GLI3: variants seen among roughly 807,000 people sequenced by gnomAD.
The protein encoded by GLI3 is transcription activator GLI3.
A neutral mutation model predicts 100.8 loss-of-function variants in GLI3; 20 were observed. The observed-to-expected ratio is 0.20, with a 90% confidence interval of 0.14 to 0.29. GLI3 has a LOEUF of 0.29. GLI3 is among the 10% of genes least tolerant of loss of function. The pLI is 1.00. For missense variants in GLI3, 2,040 were observed against 2,128.5 expected (o/e 0.96, Z 0.82); for synonymous variants, 938 against 860.5 (o/e 1.09, Z -1.58).
chr7:42,054,844 A>AC, intron 4 of GLI3, among the ~76,000 whole-genome samples: 1 of 151,172 alleles, frequency 6.6e-6, no homozygotes, highest in South Asian at 2.1e-4. Flanking sequence ...AAAAAATTAG[A>AC]CTGGCATGGT....
upstream of GLI3, among the ~76,000 whole-genome samples, chr7:42,241,614 G>A (rs1160747224): frequency 2.6e-5 from 4 of 152,224 alleles, no homozygotes; most frequent in East Asian, 3.8e-4. Context: ...CCTTCTTGGG[G>A]TCTCTCACTC....
At chr7:42,193,331 CG>C (rs2128689223) in intron 2 of GLI3, among the ~76,000 whole-genome samples, 1 of 152,202 alleles carries the variant, frequency 6.6e-6, no homozygotes, top group East Asian at 1.9e-4. Flanking sequence ...AAAAATCCCT[CG>C]AGGAAGCTTC....
rs1171046497 is a variant in GLI3 at position 42,026,331 on chromosome 7, T to C, written c.1110A>G (p.Leu370=). The change falls in exon 8 of 15, where the codon TTA becomes TTG. Residue 370 remains leucine, a synonymous_variant. Transcript: ENST00000395925. ...HQQILSRQQS[L]GSAFGHSPPL... ...GAGGGCTGTGTCCAAAGGCTGAACCTAAGCTCTGTTGTCGGCTTAGGATCT... is the reference window on the plus strand; with the variant it reads ...GAGGGCTGTGTCCAAAGGCTGAACCCAAGCTCTGTTGTCGGCTTAGGATCT... 6.2e-7 allele frequency: 1 copy of C among 1,613,990 alleles called. No individual in the cohort carries two copies. Among genetic ancestry groups the C allele is most frequent in the African/African-American group, 1.3e-5 (1 of 74,900 alleles).
At chr7:42,037,053 A>C (rs1424584417) in intron 7 of GLI3, among the ~76,000 whole-genome samples, 4 of 152,170 alleles carry the variant, frequency 2.6e-5, no homozygotes, top group Admixed American at 1.3e-4. Flanking sequence ...AGGCAGAAGA[A>C]TCGCTTGAAC....
chr7:42,191,004 T>C (rs937807928), intron 2 of GLI3, among the ~76,000 whole-genome samples: 11 of 152,006 alleles, frequency 7.2e-5, no homozygotes, highest in Admixed American at 7.2e-4. Context: ...TAGAAAGACA[T>C]TTCCTTAACC....
At chr7:42,047,068 A>T (rs1167290426) in intron 5 of GLI3, among the ~76,000 whole-genome samples, 1 of 152,164 alleles carries the variant, frequency 6.6e-6, no homozygotes, top group Non-Finnish European at 1.5e-5. Flanking sequence ...AGACAGGAAG[A>T]TGACTTGAAC....
intron 3 of GLI3, among the ~76,000 whole-genome samples, chr7:42,119,855 C>A (rs1232396838): frequency 6.6e-6 from 1 of 152,182 alleles, no homozygotes; most frequent in Non-Finnish European, 1.5e-5. Context: ...CAATAACTTT[C>A]TACCCCCTGT....
At chr7:42,070,865 T>C (rs1275603856) in intron 4 of GLI3, among the ~76,000 whole-genome samples, 1 of 152,228 alleles carries the variant, frequency 6.6e-6, no homozygotes, top group Admixed American at 6.5e-5. Context: ...CTCAGTCATA[T>C]AAGGGGACCA....
chr7:42,131,379 C>T (rs1786271647), intron 3 of GLI3, among the ~76,000 whole-genome samples: 1 of 151,968 alleles, frequency 6.6e-6, no homozygotes, highest in African/African-American at 2.4e-5. Flanking sequence ...TACCAAAAAG[C>T]AACATGATAG....
intron 1 of GLI3, among the ~76,000 whole-genome samples, chr7:42,249,687 T>A (rs1395914667): frequency 6.6e-6 from 1 of 152,178 alleles, no homozygotes; most frequent in Non-Finnish European, 1.5e-5. Context: ...ACCCTGAGAC[T>A]AACAGATCTT....
intron 2 of GLI3, among the ~76,000 whole-genome samples, chr7:42,182,248 A>C (rs1426769944): frequency 6.6e-6 from 1 of 152,116 alleles, no homozygotes; most frequent in Non-Finnish European, 1.5e-5. Context: ...ATTTAATTTT[A>C]TTCCATTTTA....
At chr7:42,142,099 A>C (rs1040622320) in intron 3 of GLI3, among the ~76,000 whole-genome samples, 63 of 152,354 alleles carry the variant, frequency 4.1e-4, no homozygotes, top group Non-Finnish European at 8.4e-4. Context: ...TTTAAAGGTG[A>C]GAATGACATG....
In GLI3 at chr7:42,040,061, AC is replaced by A; in HGVS notation, c.1004del (p.Gly335ValfsTer12). The A allele has an allele frequency of 6.2e-7, 1 of 1,612,560 alleles. No homozygotes were observed. The highest frequency in any genetic ancestry group is 8.5e-7 in the Non-Finnish European group (1 of 1,178,542). On this transcript the variant is annotated frameshift_variant, in exon 7 of 15. Transcript: ENST00000395925. LOFTEE classifies it high-confidence loss of function. Reference sequence around the variant, plus strand: ...ACCTGATTGCACTTGCAGATAAGTGACCATAGGAGCCACTTGCTGAAGAGCT... The same window carrying A: ...ACCTGATTGCACTTGCAGATAAGTGACATAGGAGCCACTTGCTGAAGAGCT... ...RSSSSASGSY[G>X]HLSASAISPA... is the part of the protein sequence containing the mutation.
intron 4 of GLI3, among the ~76,000 whole-genome samples, chr7:42,053,479 C>T (rs891494592): frequency 6.6e-6 from 1 of 152,146 alleles, no homozygotes; most frequent in Admixed American, 6.5e-5. Context: ...CAAAATTTCC[C>T]ATAGAAATGA....
At chr7:42,247,609 G>A (rs1162056353) in intron 1 of GLI3, among the ~76,000 whole-genome samples, 1 of 152,210 alleles carries the variant, frequency 6.6e-6, no homozygotes. Flanking sequence ...TGTGGTGCAT[G>A]GTCCAGTACT....
At position 42,070,917 on chromosome 7, in the gene GLI3, G is replaced by A. The variant is rs75466638; in HGVS notation, c.473+5835C>T. Among the ~76,000 whole-genome samples, 8 of 152,262 alleles carry A rather than the reference G, an allele frequency of 5.3e-5. No homozygotes were observed. The East Asian group carries it at 1.4e-3, about 26-fold the overall frequency. On this transcript the variant is annotated intron_variant, in intron 4 of 14. Coordinates refer to ENST00000395925, the MANE Select transcript of GLI3 (RefSeq NM_000168.6). ...CAGGAAATTAGTTTGACAGTGGAGA[G>A]CATCTGATGTGGCAATAGCTACTAT...
intron 10 of GLI3, among the ~76,000 whole-genome samples, chr7:42,004,713 G>C (rs1292369318): frequency 6.6e-6 from 1 of 152,162 alleles, no homozygotes; most frequent in Non-Finnish European, 1.5e-5. Context: ...CTGGGCTCAA[G>C]CGATGCACCC....
intron 1 of GLI3, among the ~76,000 whole-genome samples, chr7:42,249,212 C>T (rs1168921098): frequency 2.0e-5 from 3 of 152,162 alleles, no homozygotes; most frequent in Admixed American, 6.5e-5. Flanking sequence ...CATACAGTAT[C>T]CACATGAACT....
intron 2 of GLI3, among the ~76,000 whole-genome samples, chr7:42,200,415 T>C (rs574461412): frequency 6.6e-6 from 1 of 152,280 alleles, no homozygotes; most frequent in Non-Finnish European, 1.5e-5. Flanking sequence ...CCTTCAAATA[T>C]TTGTAAGTAC....
Sources: allele counts gnomAD v4.1 joint callset (sites outside exome capture counted in the v4.1 genomes callset), GRCh38; gene constraint gnomAD v4.1.1; transcripts MANE v1.5; gene names NCBI Gene and HGNC (gene_info 2026-07-23, HGNC 2026-07-21).